The following ZNF813 variants were observed in gnomAD, a reference collection of about 807,000 sequenced individuals.
ZNF813 encodes zinc finger protein 813.
Under a neutral mutation model 7.2 loss-of-function variants are expected in ZNF813, and 3 were observed. That is an observed-to-expected ratio of 0.42 (90% CI 0.19 to 1.08). ZNF813 has a LOEUF of 1.08. Among genes scored for constraint, ZNF813 ranks in the 50% least tolerant of loss-of-function variants. The probability of loss-of-function intolerance (pLI) is 0.30; values close to 1 mark genes in which losing one functional copy is unlikely to be tolerated. For synonymous variants in ZNF813, 227 were observed against 256.3 expected (o/e 0.89, Z 1.09); for missense variants, 714 against 753.3 (o/e 0.95, Z 0.61).
chr19:53,470,057 A>G (rs1202752694), intron 1 of ZNF813, among the ~76,000 whole-genome samples: 1 of 152,118 alleles, frequency 6.6e-6, no homozygotes, highest in East Asian at 1.9e-4. Flanking sequence ...AATCTATAGC[A>G]TAGCATAACT....
In ZNF813 at chr19:53,483,734, T is replaced by C; in HGVS notation, c.-73-16T>C. The stretch of plus-strand genomic sequence containing the variant: ...TGTTGATTCTGAGCAATAAACAACA[T>C]ATTTCTAACATTCAGGATTGACTTC... On this transcript the variant is annotated splice_polypyrimidine_tract_variant and intron_variant, in intron 1 of 3. Transcript: ENST00000396403. 1 of 1,602,760 alleles carries C rather than the reference T, an allele frequency of 6.2e-7. No individual in the cohort carries two copies.
intron 3 of ZNF813, 115 bp from the exon 4 acceptor site, chr19:53,490,260 T>A: frequency 8.1e-7 from 1 of 1,230,628 alleles, no homozygotes; most frequent in East Asian, 2.4e-5. Context: ...TCCTAAACTT[T>A]GAAGATCATG....
At chr19:53,482,335 C>G (rs2086412321) in intron 1 of ZNF813, among the ~76,000 whole-genome samples, 1 of 152,220 alleles carries the variant, frequency 6.6e-6, no homozygotes, top group African/African-American at 2.4e-5. Context: ...AGGGAACCCT[C>G]CACCAGCTTC....
In ZNF813 at chr19:53,491,583, A is replaced by C; in HGVS notation, c.1351A>C (p.Asn451His). The change falls in exon 4 of 4, where the codon AAT (asparagine) becomes CAT (histidine). Residue 451 changes from asparagine (N) to histidine (H), a missense_variant. Physicochemically the swap from Asn to His is moderately conservative, Grantham distance 68. Around this residue, in one of 3 missense-constraint regions of ZNF813, gnomAD observed 563 missense variants for 554.2 expected, o/e 1.02. Transcript: ENST00000396403. ...CTECVKTFSR[N>H]SALVIHKAIH... ...TGAGTGTGTCAAGACGTTCAGTCGA[A>C]ATTCAGCCCTTGTAATTCATAAGGC... 6.2e-7 allele frequency: 1 copy of C among 1,613,412 alleles called. No homozygotes were observed. Among genetic ancestry groups the C allele is most frequent in the Non-Finnish European group, 8.5e-7 (1 of 1,179,630 alleles).
At chr19:53,481,216 G>A (rs1600111327) in intron 1 of ZNF813, among the ~76,000 whole-genome samples, 1 of 152,124 alleles carries the variant, frequency 6.6e-6, no homozygotes, top group East Asian at 1.9e-4. Context: ...ACATTCCAGA[G>A]GCCACGAGGG....
At chr19:53,481,341 A>ATTTTTTTTTTTT (rs1180229389) in intron 1 of ZNF813, among the ~76,000 whole-genome samples, 1 of 89,210 alleles carries the variant, frequency 1.1e-5, no homozygotes, top group Non-Finnish European at 2.0e-5. Flanking sequence ...GCACCCATGT[A>ATTTTTTTTTTTT]TTCTTTTTTT....
intron 1 of ZNF813, among the ~76,000 whole-genome samples, chr19:53,473,465 A>C (rs2086368819): frequency 2.6e-5 from 4 of 152,160 alleles, no homozygotes; most frequent in Admixed American, 2.6e-4. Context: ...GGATCAGCTG[A>C]GTTGGATGGT....
chr19:53,473,301 T>C (rs2086368072), intron 1 of ZNF813, among the ~76,000 whole-genome samples: 1 of 152,088 alleles, frequency 6.6e-6, no homozygotes, highest in African/African-American at 2.4e-5. Context: ...GCTTGTCCCC[T>C]CCAGCTTCAG....
chr19:53,488,667 C>T (rs990302124), intron 3 of ZNF813, among the ~76,000 whole-genome samples: 29 of 151,344 alleles, frequency 1.9e-4, no homozygotes, highest in Non-Finnish European at 7.4e-5. Context: ...GATCCTCCTG[C>T]CTCAGCCTGC....
Position 53,491,823 on chromosome 19 carries a change from G to A in ZNF813, c.1591G>A (p.Val531Ile), listed in dbSNP as rs568203752. ...KPYKCNECGK[V>I]FNRKTHLAHH... ...TTACAAGTGTAATGAATGTGGCAAG[G>A]TTTTTAATCGAAAAACACACCTTGC... Residue 531 changes from valine (V) to isoleucine (I), a missense_variant, in exon 4 of 4, where the codon GTT (valine) becomes ATT (isoleucine). Physicochemically the swap from Val to Ile is conservative, Grantham distance 29. This residue lies in a region of ZNF813 where 122 missense variants were observed against 146.8 expected (regional missense o/e 0.83). Coordinates refer to ENST00000396403, the MANE Select transcript of ZNF813 (RefSeq NM_001004301.4). 6.2e-7 allele frequency: 1 copy of A among 1,613,406 alleles called. No individual in the cohort carries two copies. The highest frequency in any genetic ancestry group is 8.5e-7 in the Non-Finnish European group (1 of 1,179,816).
In ZNF813 at chr19:53,485,599, G is replaced by GATATATACATGTATGTC. The variant is rs1568831901; in HGVS notation, c.16-1026_16-1025insCATGTATGTCATATATA. Among the ~76,000 whole-genome samples, 14 of 149,720 alleles carry GATATATACATGTATGTC rather than the reference G, an allele frequency of 9.4e-5. No individual in the cohort carries two copies. In the South Asian group the frequency reaches 1.5e-3, roughly 16 times the overall value. On this transcript the variant is annotated intron_variant, in intron 2 of 3. Transcript: ENST00000396403. Reference sequence around the variant, plus strand: ...GTATGTCATGACATATGTATGTCATGATATATATCGTGATATATACATGCA... The same window carrying GATATATACATGTATGTC: ...GTATGTCATGACATATGTATGTCATGATATATACATGTATGTCATATATATCGTGATATATACATGCA...
At chr19:53,470,781 G>C (rs543846280) in intron 1 of ZNF813, among the ~76,000 whole-genome samples, 1 of 151,370 alleles carries the variant, frequency 6.6e-6, no homozygotes, top group African/African-American at 2.4e-5. Context: ...TGATTTCTAG[G>C]CAGCAATTAG....
chr19:53,485,856 A>G (rs565355975), intron 2 of ZNF813, among the ~76,000 whole-genome samples: 3 of 152,202 alleles, frequency 2.0e-5, no homozygotes, highest in South Asian at 4.1e-4. Context: ...CACAGGTGCC[A>G]TGCCAGGCTA....
At chr19:53,469,208 A>G (rs1388656089) in intron 1 of ZNF813, among the ~76,000 whole-genome samples, 1 of 152,216 alleles carries the variant, frequency 6.6e-6, no homozygotes, top group Non-Finnish European at 1.5e-5. Flanking sequence ...AAAGTTACGG[A>G]TTAACAGCAT....
chr19:53,492,245 A>G lies in ZNF813; in HGVS notation c.*159A>G. 1 of 1,041,376 alleles carries G rather than the reference A, an allele frequency of 9.6e-7. No individual in the cohort carries two copies. The highest frequency in any genetic ancestry group is 1.6e-5 in the South Asian group (1 of 63,028). 64.5% of individuals were successfully genotyped at this position (1,041,376 alleles called of 1,614,324 possible). A position where few individuals can be genotyped will look rare whatever the true frequency, so the allele number is the denominator to read the frequency against. On this transcript the variant is annotated 3_prime_UTR_variant, in exon 4 of 4. Transcript: ENST00000396403. The stretch of plus-strand genomic sequence containing the variant: ...AACGTTGCAAAATTTTTAATCAACA[A>G]GCACACCTTCCACGTCATCATAGAC...
intron 1 of ZNF813, among the ~76,000 whole-genome samples, chr19:53,476,749 C>T (rs1232107453): frequency 1.6e-4 from 24 of 152,004 alleles, no homozygotes; most frequent in African/African-American, 5.3e-4. Flanking sequence ...CGCCTCCTCC[C>T]GCCTCCTGGG....
Position 53,480,552 on chromosome 19 carries a change from G to A in ZNF813, c.-73-3198G>A, listed in dbSNP as rs1477462511. On this transcript the variant is annotated intron_variant, in intron 1 of 3. Coordinates refer to ENST00000396403, the MANE Select transcript of ZNF813 (RefSeq NM_001004301.4). Reference sequence around the variant, plus strand: ...ACTAGTTGCATCTGGTTCAGATCAAGGTCTGCATGCTTTCTAGTCTTTATT... The same window carrying A: ...ACTAGTTGCATCTGGTTCAGATCAAAGTCTGCATGCTTTCTAGTCTTTATT... 3.3e-5 allele frequency among the ~76,000 whole-genome samples: 5 copies of A among 152,024 alleles called. No individual in the cohort carries two copies. In the East Asian group the frequency reaches 7.7e-4, roughly 23 times the overall value.
rs879936287 is a variant in ZNF813, at chr19:53,492,037, C to T, written c.1805C>T (p.Thr602Ile). The T allele has an allele frequency of 1.1e-5, 17 of 1,613,664 alleles. No homozygotes were observed. Among genetic ancestry groups the T allele is most frequent in the Non-Finnish European group, 1.4e-5 (17 of 1,179,878 alleles). The change falls in exon 4 of 4, where the codon ACT becomes ATT. Residue 602 changes from threonine (T) to isoleucine (I), a missense_variant. By Grantham distance (89) the Thr-to-Ile change is moderately conservative. Transcript: ENST00000396403. The stretch of plus-strand genomic sequence containing the variant: ...CTTGCACGTCATCATAGACTTCATA[C>T]TGGAGAGAAACCTTACAAGTTTAAT... ...ANLARHHRLH[T>I]GEKPYKFNEC...
chr19:53,488,414 C>CT (rs369044232), intron 3 of ZNF813: 37,309 of 239,824 alleles, frequency 0.16, 1,156 homozygotes, highest in Middle Eastern at 0.25. Flanking sequence ...CCTTTTTTTT[C>CT]TTTTTTTTTT....
Sources: allele counts gnomAD v4.1 joint callset (sites outside exome capture counted in the v4.1 genomes callset), GRCh38; gene constraint gnomAD v4.1.1; regional missense constraint gnomAD v4.1.1; transcripts MANE v1.5; gene names NCBI Gene and HGNC (gene_info 2026-07-23, HGNC 2026-07-21).